Variants in C4orf51 observed in about 807,000 individuals in gnomAD.
The protein encoded by C4orf51 is uncharacterized protein C4orf51.
A neutral mutation model predicts 25.2 loss-of-function variants in C4orf51; 25 were observed. The ratio of observed to expected loss-of-function variants is 0.99; its 90% CI spans 0.72 to 1.39. C4orf51 has a LOEUF of 1.39. Among genes scored for constraint, C4orf51 ranks in the 40% most tolerant of loss-of-function variants. The probability of loss-of-function intolerance (pLI) is 0.00; values close to 1 mark genes in which losing one functional copy is unlikely to be tolerated. For missense variants in C4orf51, 252 were observed against 239.6 expected, an observed-to-expected ratio of 1.05 and a Z score of -0.34; for synonymous variants, 100 against 84.5, an observed-to-expected ratio of 1.18 and a Z score of -1.01.
Position 145,680,325 on chromosome 4 carries a change from C to A in C4orf51, c.122C>A (p.Ser41Ter). ...TCTTGGCAGGATGAAACACGATGGT[C>A]AGATTCTTCCGTGACAACATACACA... The part of the protein sequence containing the change: ...GASWQDETRW[S>*]DSSVTTYTGS... Residue 41 changes from serine (S) to a stop codon, truncating the protein, a stop_gained, in exon 1 of 6, where the codon TCA (serine) becomes TAA (stop). Transcript: ENST00000438731. LOFTEE classifies it high-confidence loss of function. 6.2e-7 allele frequency: 1 copy of A among 1,613,876 alleles called. No individual in the cohort carries two copies. The highest frequency in any genetic ancestry group is 1.1e-5 in the South Asian group (1 of 91,018).
At chr4:145,772,457 A>G (rs527345961), downstream of C4orf51, among the ~76,000 whole-genome samples, 7 of 152,318 alleles carry the variant, frequency 4.6e-5, no homozygotes, top group African/African-American at 1.7e-4. Flanking sequence ...TTGCTGTGAG[A>G]CCATTAGCTT....
the C4orf51 span, chr4:145,779,640 G>T: frequency 1.2e-5 from 15 of 1,279,854 alleles, 1 homozygote; most frequent in South Asian, 1.7e-4. Context: ...ATGAGTCTCC[G>T]TAACTGGTTT....
intron 2 of C4orf51, among the ~76,000 whole-genome samples, chr4:145,713,869 G>A (rs947124105): frequency 5.3e-5 from 8 of 152,140 alleles, no homozygotes; most frequent in Non-Finnish European, 8.8e-5. Flanking sequence ...TGCAAACTCC[G>A]CCTCCTGGGT....
chr4:145,739,483 A>G (rs1732980212), intron 1 of C4orf51, among the ~76,000 whole-genome samples: 1 of 152,234 alleles, frequency 6.6e-6, no homozygotes, highest in Non-Finnish European at 1.5e-5. Context: ...CAACAATAGC[A>G]TCTCTGAACA....
intron 2 of C4orf51, among the ~76,000 whole-genome samples, chr4:145,725,118 G>A (rs887614217): frequency 1.7e-4 from 26 of 151,302 alleles, no homozygotes; most frequent in Non-Finnish European, 3.7e-4. Flanking sequence ...CAAAATCTCA[G>A]AAATCACCAC....
chr4:145,703,916 G>A (rs886347593), intron 2 of C4orf51, among the ~76,000 whole-genome samples: 1 of 152,230 alleles, frequency 6.6e-6, no homozygotes, highest in Non-Finnish European at 1.5e-5. Context: ...CTGATGTGAG[G>A]CAGAGTGATT....
intron 1 of C4orf51, among the ~76,000 whole-genome samples, chr4:145,683,320 C>T (rs563098332): frequency 1.3e-5 from 2 of 152,234 alleles, no homozygotes; most frequent in South Asian, 4.1e-4. Flanking sequence ...ATCAAGATGT[C>T]AGCCCTTCCC....
chr4:145,741,097 G>T (rs938276315), intron 1 of C4orf51, among the ~76,000 whole-genome samples: 4 of 152,096 alleles, frequency 2.6e-5, no homozygotes, highest in Non-Finnish European at 4.4e-5. Context: ...AGTTTGTCAG[G>T]GTAACAGAGA....
intron 2 of C4orf51, among the ~76,000 whole-genome samples, chr4:145,716,684 G>T (rs1397342090): frequency 2.6e-5 from 4 of 152,188 alleles, no homozygotes; most frequent in Non-Finnish European, 5.9e-5. Context: ...TGTGGTGGGG[G>T]CTGCACATAG....
chr4:145,790,439 C>A, the C4orf51 span, among the ~76,000 whole-genome samples: 2 of 152,174 alleles, frequency 1.3e-5, no homozygotes, highest in Non-Finnish European at 2.9e-5. Context: ...TAAATCCAGA[C>A]TTTCTAAAAT....
At chr4:145,749,207 T>A (rs1033753903) in intron 1 of C4orf51, among the ~76,000 whole-genome samples, 1 of 151,924 alleles carries the variant, frequency 6.6e-6, no homozygotes, top group African/African-American at 2.4e-5. Flanking sequence ...TAATTATAAT[T>A]ACTCCTGCTC....
chr4:145,684,278 C>G lies in C4orf51; in HGVS notation c.233+3842C>G, dbSNP rs536118974. Among the ~76,000 whole-genome samples, 196 of 152,128 alleles carry G rather than the reference C, an allele frequency of 1.3e-3. 1 individual carries two copies. Among genetic ancestry groups the G allele is most frequent in the African/African-American group, 4.1e-3 (172 of 41,486 alleles). Reference sequence around the variant, plus strand: ...CAGGCAGATCATGAGGTCAGGAGATCGAGACCAACCTGGCTAACATGGTGA... The same window carrying G: ...CAGGCAGATCATGAGGTCAGGAGATGGAGACCAACCTGGCTAACATGGTGA... On this transcript the variant is annotated intron_variant, in intron 1 of 5. Transcript: ENST00000438731.
the C4orf51 span, among the ~76,000 whole-genome samples, chr4:145,778,555 T>C: frequency 6.6e-6 from 1 of 152,154 alleles, no homozygotes; most frequent in Non-Finnish European, 1.5e-5. Flanking sequence ...GAGGTTGCAG[T>C]TAGCTGGGAT....
chr4:145,733,692 C>T (rs1732638074), downstream of C4orf51, among the ~76,000 whole-genome samples: 1 of 152,190 alleles, frequency 6.6e-6, no homozygotes, highest in Admixed American at 6.5e-5. Flanking sequence ...TGTCTCTTAG[C>T]CCTAGGTCGG....
chr4:145,764,097 G>A (rs1369433483), intron 1 of C4orf51, among the ~76,000 whole-genome samples: 2 of 152,140 alleles, frequency 1.3e-5, no homozygotes, highest in Non-Finnish European at 2.9e-5. Context: ...AAAACAAAAG[G>A]TTTTTTCCCC....
chr4:145,736,445 G>GAGTGTAAC (rs1732807043), downstream of C4orf51, among the ~76,000 whole-genome samples: 1 of 152,146 alleles, frequency 6.6e-6, no homozygotes, highest in Non-Finnish European at 1.5e-5. Context: ...TGTGACCTGA[G>GAGTGTAAC]CTGGGTCAAG....
chr4:145,707,505 A>C (rs1361096421), intron 2 of C4orf51, among the ~76,000 whole-genome samples: 1 of 152,208 alleles, frequency 6.6e-6, no homozygotes, highest in Non-Finnish European at 1.5e-5. Flanking sequence ...ACCACTGGGT[A>C]GGACGGTCCA....
chr4:145,706,191 G>T (rs1048412779), intron 2 of C4orf51, among the ~76,000 whole-genome samples: 3 of 152,164 alleles, frequency 2.0e-5, no homozygotes. Context: ...AATCATGATA[G>T]AACTGACTTG....
intron 2 of C4orf51, among the ~76,000 whole-genome samples, chr4:145,722,571 A>G (rs1216915365): frequency 6.6e-6 from 1 of 152,214 alleles, no homozygotes; most frequent in Non-Finnish European, 1.5e-5. Flanking sequence ...ATCTATCCCA[A>G]TGGTTAACAC....
Sources: gnomAD v4.1 joint callset for allele counts (sites outside exome capture counted in the v4.1 genomes callset) on GRCh38, gnomAD v4.1.1 for gene constraint, MANE v1.5 for transcripts, NCBI Gene and HGNC (gene_info 2026-07-23, HGNC 2026-07-21) for gene names.